RBFOX1: variants seen among roughly 807,000 people sequenced by gnomAD.
RBFOX1 encodes RNA binding protein fox-1 homolog 1.
In RBFOX1, 8 loss-of-function variants were observed where a neutral mutation model predicts 57.7. The observed-to-expected ratio is 0.14, with a 90% CI of 0.08 to 0.25. The LOEUF is 0.25. Among genes scored for constraint, RBFOX1 ranks in the 10% least tolerant of loss-of-function variants. The pLI is 1.00. For missense variants in RBFOX1, 611 were observed against 548.5 expected, an observed-to-expected ratio of 1.11 and a Z score of -1.14; for synonymous variants, 326 against 222.4, an observed-to-expected ratio of 1.47 and a Z score of -4.15.
intron 5 of RBFOX1, among the ~76,000 whole-genome samples, chr16:7,563,781 A>G (rs2091014238): frequency 6.6e-6 from 1 of 152,036 alleles, no homozygotes; most frequent in African/African-American, 2.4e-5. Context: ...TATATATTTT[A>G]ACTACCTATC....
chr16:5,298,125 C>T (rs971608059), intron 1 of RBFOX1, among the ~76,000 whole-genome samples: 1 of 152,146 alleles, frequency 6.6e-6, no homozygotes, highest in Non-Finnish European at 1.5e-5. Flanking sequence ...CAAAAGGCAG[C>T]CACACCTAAG....
intron 2 of RBFOX1, among the ~76,000 whole-genome samples, chr16:5,592,751 TCATC>T (rs985212966): frequency 4.6e-5 from 7 of 152,342 alleles, no homozygotes; most frequent in Admixed American, 4.6e-4. Context: ...TGGTCTGTGT[TCATC>T]CAACAGCCAT....
chr16:6,636,044 T>C (rs77296650), intron 2 of RBFOX1, among the ~76,000 whole-genome samples: 6 of 152,192 alleles, frequency 3.9e-5, no homozygotes, highest in African/African-American at 1.4e-4. Context: ...TAATTTATGC[T>C]TGAAACAGTT....
At chr16:5,969,036 G>A (rs1246059662) in intron 4 of RBFOX1, among the ~76,000 whole-genome samples, 2 of 151,890 alleles carry the variant, frequency 1.3e-5, no homozygotes, top group African/African-American at 4.8e-5. Flanking sequence ...ATTAAAATGA[G>A]TTTTTTCTTT....
intron 2 of RBFOX1, among the ~76,000 whole-genome samples, chr16:6,428,684 G>C (rs959376261): frequency 6.6e-6 from 1 of 152,088 alleles, no homozygotes; most frequent in Non-Finnish European, 1.5e-5. Context: ...AGCAGCTCAC[G>C]TCCTGAAATC....
chr16:7,165,974 A>G (rs12924684), intron 4 of RBFOX1, among the ~76,000 whole-genome samples: 16,250 of 150,252 alleles, frequency 0.11, 1,160 homozygotes, highest in Non-Finnish European at 0.15. Context: ...ACATACATAC[A>G]TACACCCCAG....
rs115060995 is a variant in RBFOX1, at chr16:6,104,199, G to T, written c.-127+84207G>T. On this transcript the variant is annotated intron_variant, in intron 1 of 15. Transcript: ENST00000550418. ...TGACAGACAATAATTGTATATGTTT[G>T]TAGGATACAATGTGATGTTTTGCTA... Among the ~76,000 whole-genome samples the T allele has an allele frequency of 9.4e-3, 1,423 of 152,080 alleles. 24 individuals are homozygous for T. Among genetic ancestry groups the T allele is most frequent in the African/African-American group, 0.032 (1,341 of 41,462 alleles).
chr16:6,066,713 G>T (rs994568928), intron 1 of RBFOX1, among the ~76,000 whole-genome samples: 32 of 152,134 alleles, frequency 2.1e-4, no homozygotes, highest in African/African-American at 7.5e-4. Flanking sequence ...ATGGCAGCAG[G>T]TATACTGTGC....
At chr16:5,807,474 A>G (rs574596083) in intron 3 of RBFOX1, among the ~76,000 whole-genome samples, 50 of 152,286 alleles carry the variant, frequency 3.3e-4, no homozygotes, top group African/African-American at 1.1e-3. Context: ...TTTGGTTACT[A>G]TTAAAATGGG....
chr16:6,990,198 C>G (rs1220533834), intron 3 of RBFOX1, among the ~76,000 whole-genome samples: 1 of 152,154 alleles, frequency 6.6e-6, no homozygotes, highest in Non-Finnish European at 1.5e-5. Flanking sequence ...TGGCAACTCT[C>G]AATTTTGGAT....
chr16:7,005,161 A>G (rs1182129165), intron 3 of RBFOX1, among the ~76,000 whole-genome samples: 1 of 151,534 alleles, frequency 6.6e-6, no homozygotes, highest in Non-Finnish European at 1.5e-5. Context: ...AAAAAACGAA[A>G]AAAAACCCAA....
At chr16:7,551,088 CAAAAAA>C (rs539169022) in intron 5 of RBFOX1, among the ~76,000 whole-genome samples, 1 of 76,736 alleles carries the variant, frequency 1.3e-5, no homozygotes, top group Admixed American at 1.6e-4. Context: ...GAGCGAGACT[CAAAAAA>C]AAAAAAAAAA....
At chr16:7,011,817 A>C (rs563884660) in intron 3 of RBFOX1, among the ~76,000 whole-genome samples, 6 of 152,152 alleles carry the variant, frequency 3.9e-5, no homozygotes, top group African/African-American at 1.4e-4. Context: ...CCGTGCCCCA[A>C]GTTGTTTTTG....
Position 5,654,456 on chromosome 16 carries a change from G to A in RBFOX1, c.318+55495G>A, listed in dbSNP as rs560387959. On this transcript the variant is annotated intron_variant, in intron 3 of 19. Coordinates refer to the RBFOX1 transcript ENST00000641259. ...AAAGTCCATACCATTTCTTGTGGAGGTTGGGAAGGAACGTTCTCACCTGTC... is the reference window on the plus strand; with the variant it reads ...AAAGTCCATACCATTTCTTGTGGAGATTGGGAAGGAACGTTCTCACCTGTC... 1.1e-4 allele frequency among the ~76,000 whole-genome samples: 16 copies of A among 152,298 alleles called. No homozygotes were observed. In the South Asian group the frequency reaches 2.3e-3, roughly 22 times the overall value.
Position 7,710,926 on chromosome 16 carries a change from T to TA in RBFOX1, c.*183dup. On this transcript the variant is annotated 3_prime_UTR_variant, in exon 16 of 16. Transcript: ENST00000550418. The stretch of plus-strand genomic sequence containing the variant: ...CTCAGATATTTTGTTCTGTGTATTT[T>TA]AATATTGTGGGTCTTTAATTTCTGA... The TA allele has an allele frequency of 1.4e-6, 1 of 727,478 alleles. No homozygotes were observed. Among genetic ancestry groups the TA allele is most frequent in the Non-Finnish European group, 1.9e-6 (1 of 513,750 alleles). 45.1% of individuals were successfully genotyped at this position (727,478 alleles called of 1,614,324 possible). A position where few individuals can be genotyped will look rare whatever the true frequency, so the allele number is the denominator to read the frequency against.
chr16:7,385,915 GTTACTTAT>G (rs1339017882), intron 4 of RBFOX1, among the ~76,000 whole-genome samples: 107 of 89,040 alleles, frequency 1.2e-3, no homozygotes, highest in South Asian at 1.9e-3. Context: ...ACCATGCCCA[GTTACTTAT>G]TTATTTATTT....
intron 1 of RBFOX1, among the ~76,000 whole-genome samples, chr16:5,337,492 C>A (rs1194536379): frequency 1.3e-5 from 2 of 152,222 alleles, no homozygotes; most frequent in East Asian, 1.9e-4. Context: ...GGAAATTGTC[C>A]CTTCTCAGAC....
intron 2 of RBFOX1, among the ~76,000 whole-genome samples, chr16:6,617,462 C>T (rs1008136699): frequency 6.6e-6 from 1 of 151,898 alleles, no homozygotes; most frequent in African/African-American, 2.4e-5. Context: ...CAGTTCACTT[C>T]TCATGGATGT....
At chr16:7,456,786 A>G (rs1157002092) in intron 4 of RBFOX1, among the ~76,000 whole-genome samples, 2 of 152,188 alleles carry the variant, frequency 1.3e-5, no homozygotes, top group Non-Finnish European at 2.9e-5. Context: ...TGCAGGAGGC[A>G]GTCTACTCCA....
Sources: allele counts gnomAD v4.1 joint callset (sites outside exome capture counted in the v4.1 genomes callset), GRCh38; gene constraint gnomAD v4.1.1; transcripts MANE v1.5; gene names NCBI Gene and HGNC (gene_info 2026-07-23, HGNC 2026-07-21).